ADAMTS4: variants seen among roughly 807,000 people sequenced by gnomAD.
ADAMTS4 encodes ADAM metallopeptidase with thrombospondin type 1 motif 4.
A neutral mutation model predicts 66.7 loss-of-function variants in ADAMTS4; 38 were observed. That is an observed-to-expected ratio of 0.57 (90% CI 0.44 to 0.75). The LOEUF (loss-of-function observed/expected upper bound fraction) is 0.75, where lower values mean the gene tolerates loss of function less well. ADAMTS4 is among the 30% of genes least tolerant of loss of function. The pLI is 0.00. For missense variants in ADAMTS4, 1,014 were observed against 1,116.7 expected (o/e 0.91, Z 1.31); for synonymous variants, 418 against 461.5 (o/e 0.91, Z 1.21).
In ADAMTS4 at chr1:161,193,728, C is replaced by A; in HGVS notation, c.1647G>T (p.Arg549Ser). The change falls in exon 6 of 9, where the codon AGG becomes AGT. Residue 549 changes from arginine to serine, a missense_variant. Arg to Ser is a moderately radical substitution (Grantham distance 110). Transcript: ENST00000367996. The surrounding 1 kb of genome is among the most constrained non-coding windows in gnomAD (Gnocchi z 4.4). ...ACTTGCCACCATTCCGGGGGACAGG[C>A]CTCGTGCAGTCTCGGGAGGAGAACT... The part of the protein sequence containing the change: ...GVQFSSRDCT[R>S]PVPRNGGKYC... 2 of 1,614,142 alleles carry A rather than the reference C, an allele frequency of 1.2e-6. No homozygotes were observed. The highest frequency in any genetic ancestry group is 1.7e-6 in the Non-Finnish European group (2 of 1,180,020).
In ADAMTS4 at chr1:161,187,974, G is replaced by A. The variant is rs1260321311; in HGVS notation, c.*3164C>T. ...TTTTTTTTTTTTTTTTTTTGAGATG[G>A]AGTCTCACTCTATCGCCCAGACTGG... is the stretch of plus-strand genomic sequence containing the variant. On this transcript the variant is annotated 3_prime_UTR_variant, in exon 9 of 9. Coordinates refer to ENST00000367996, the MANE Select transcript of ADAMTS4 (RefSeq NM_005099.6). The A allele has an allele frequency of 1.6e-5, 2 of 124,800 alleles. No individual in the cohort carries two copies. The highest frequency in any genetic ancestry group is 8.8e-5 in the Admixed American group (1 of 11,392). 7.7% of individuals were successfully genotyped at this position (124,800 alleles called of 1,614,324 possible).
rs573364372 is a variant in ADAMTS4, at chr1:161,196,484, G to A, written c.957+73C>T. The A allele has an allele frequency of 2.1e-5, 32 of 1,537,256 alleles. No homozygotes were observed. The African/African-American group carries it at 3.4e-4, about 16-fold the overall frequency. The stretch of plus-strand genomic sequence containing the variant: ...TCACACAACTCCAGGAACATCATTT[G>A]CATCATAGTCTATGTAGTGGCGCTT... On this transcript the variant is annotated intron_variant, in intron 2 of 8. Coordinates refer to ENST00000367996, the MANE Select transcript of ADAMTS4 (RefSeq NM_005099.6).
In ADAMTS4 at chr1:161,193,937, T is replaced by G. The variant is rs746769234; in HGVS notation, c.1546A>C (p.Asn516His). ...CLHMDQLQDF[N>H]IPQAGGWGPW... The stretch of plus-strand genomic sequence containing the variant: ...CCACCCCTGCCCTAGGATCTCACAT[T>G]GAAGTCCTGGAGCTGGTCCATGTGG... Residue 516 changes from asparagine to histidine, a missense_variant and splice_region_variant, in exon 5 of 9, where the codon AAT (asparagine) becomes CAT (histidine). Asn to His is a moderately conservative substitution (Grantham distance 68). Transcript: ENST00000367996. This position sits in a 1 kb window ranked among gnomAD's most constrained non-coding sequence, Gnocchi z 4.4. 1.9e-6 allele frequency: 3 copies of G among 1,574,728 alleles called. No individual in the cohort carries two copies. The Admixed American group carries it at 5.3e-5, about 28-fold the overall frequency.
chr1:161,196,251 G>A lies in ADAMTS4; in HGVS notation c.1010C>T (p.Thr337Ile), dbSNP rs752403013. The change falls in exon 3 of 9, where the codon ACC (threonine) becomes ATC (isoleucine). Residue 337 changes from threonine to isoleucine, a missense_variant. Physicochemically the swap from Thr to Ile is moderately conservative, Grantham distance 89 (BLOSUM62 -1). Transcript: ENST00000367996. Reference sequence around the variant, plus strand: ...ACAGCTCCGAGCCGGGTCACAGACGGTGCCCACATCAGCCATACCCAGCGT... The same window carrying A: ...ACAGCTCCGAGCCGGGTCACAGACGATGCCCACATCAGCCATACCCAGCGT... ...CDTLGMADVG[T>I]VCDPARSCAI... 8.1e-6 allele frequency: 13 copies of A among 1,613,664 alleles called. No homozygotes were observed. The highest frequency in any genetic ancestry group is 1.1e-5 in the Non-Finnish European group (13 of 1,179,808).
At position 161,188,909 on chromosome 1, in the gene ADAMTS4, T is replaced by TA. The variant is rs1558071752; in HGVS notation, c.*2228_*2229insT. On this transcript the variant is annotated 3_prime_UTR_variant, in exon 9 of 9. Coordinates refer to ENST00000367996, the MANE Select transcript of ADAMTS4 (RefSeq NM_005099.6). ...ATATATATATATATATATATATATATTTTGTATTTTTAGTAGACACGGGGT... is the reference window on the plus strand; with the variant it reads ...ATATATATATATATATATATATATATATTTGTATTTTTAGTAGACACGGGGT... The TA allele has an allele frequency of 5.5e-4, 72 of 130,964 alleles. No homozygotes were observed. The highest frequency in any genetic ancestry group is 5.2e-3 in the South Asian group (20 of 3,880). The allele number at this position is 130,964 out of a possible 1,614,324, so 8.1% of individuals were successfully genotyped here. A position where few individuals can be genotyped will look rare whatever the true frequency, so the allele number is the denominator to read the frequency against.
At chr1:161,195,842 G>C in intron 3 of ADAMTS4, 2 of 578,144 alleles carry the variant, frequency 3.5e-6, no homozygotes, top group Non-Finnish European at 5.8e-6. Flanking sequence ...ATATACTCAG[G>C]GTCCCTCCCT....
chr1:161,190,843 T>C lies in ADAMTS4; in HGVS notation c.*295A>G. On this transcript the variant is annotated 3_prime_UTR_variant, in exon 9 of 9. Transcript: ENST00000367996. ...TGAATAAATACTAAATAAATACAAC[T>C]GGGGCCCAGGCCCTCCCTGCCTTCC... The C allele has an allele frequency of 2.9e-6, 1 of 342,512 alleles. No individual in the cohort carries two copies. The highest frequency in any genetic ancestry group is 5.4e-6 in the Non-Finnish European group (1 of 185,930). 21.2% of individuals were successfully genotyped at this position (342,512 alleles called of 1,614,324 possible).
intron 7 of ADAMTS4, among the ~76,000 whole-genome samples, chr1:161,192,794 G>T (rs550474578): frequency 6.6e-6 from 1 of 152,252 alleles, no homozygotes; most frequent in South Asian, 2.1e-4. Flanking sequence ...TCACAGAGAG[G>T]GAGTGTAGGG....
Position 161,185,746 on chromosome 1 carries a change from TAGAGATGGA to T in ADAMTS4, c.*5383_*5391del, listed in dbSNP as rs1008081701. The T allele has an allele frequency of 1.3e-5, 2 of 152,194 alleles. No individual in the cohort carries two copies. Among genetic ancestry groups the T allele is most frequent in the African/African-American group, 4.8e-5 (2 of 41,440 alleles). 9.4% of individuals were successfully genotyped at this position (152,194 alleles called of 1,614,324 possible). ...TGTATGAAGATTACAGAAATGAGACTAGAGATGGAAGAGAAGTGTAAATGCCGATTCCAC... is the reference window on the plus strand; with the variant it reads ...TGTATGAAGATTACAGAAATGAGACTAGAGAAGTGTAAATGCCGATTCCAC... On this transcript the variant is annotated 3_prime_UTR_variant, in exon 9 of 9. Transcript: ENST00000367996.
In ADAMTS4 at chr1:161,198,277, C is replaced by G. The variant is rs1360416047; in HGVS notation, c.351G>C (p.Glu117Asp). ...LTVQYLGQAP[E>D]LLGGAEPGTY... ...TGCCAGGCTCTGCTCCACCCAGCAG[C>G]TCAGGCGCCTGGCCCAGGTACTGCA... is the stretch of plus-strand genomic sequence containing the variant. The change falls in exon 1 of 9, where the codon GAG becomes GAC. Residue 117 changes from glutamate (E) to aspartate (D), a missense_variant. Glu to Asp is a conservative substitution (Grantham distance 45). Transcript: ENST00000367996. The surrounding 1 kb of genome is among the most constrained non-coding windows in gnomAD (Gnocchi z 4.7). The G allele has an allele frequency of 6.2e-7, 1 of 1,613,884 alleles. No individual in the cohort carries two copies. The highest frequency in any genetic ancestry group is 8.5e-7 in the Non-Finnish European group (1 of 1,180,014).
Position 161,190,670 on chromosome 1 carries a change from TCA to T in ADAMTS4, c.*466_*467del, listed in dbSNP as rs111314868. The T allele has an allele frequency of 3.9e-5, 6 of 152,974 alleles. No individual in the cohort carries two copies. The highest frequency in any genetic ancestry group is 6.5e-5 in the Admixed American group (1 of 15,272). The allele number at this position is 152,974 out of a possible 1,614,324, so 9.5% of individuals were successfully genotyped here. On this transcript the variant is annotated 3_prime_UTR_variant, in exon 9 of 9. Coordinates refer to ENST00000367996, the MANE Select transcript of ADAMTS4 (RefSeq NM_005099.6). Reference sequence around the variant, plus strand: ...CTCATACATAAGCACACACACATTTTCACACACACACACACGCATACACACAC... The same window carrying T: ...CTCATACATAAGCACACACACATTTTCACACACACACACGCATACACACAC...
chr1:161,191,526 GC>G lies in ADAMTS4; in HGVS notation c.2125del (p.Ala709ProfsTer21). 1 of 1,613,694 alleles carries G rather than the reference GC, an allele frequency of 6.2e-7. No individual in the cohort carries two copies. The highest frequency in any genetic ancestry group is 8.5e-7 in the Non-Finnish European group (1 of 1,179,746). ...YNNVVTIPAG[A>X]THILVRQQGN... ...CTGCTGCCGGACAAGAATGTGGGTG[GC>G]CCCCGCGGGGATAGTGACCACATTG... On this transcript the variant is annotated frameshift_variant, in exon 9 of 9. Coordinates refer to ENST00000367996, the MANE Select transcript of ADAMTS4 (RefSeq NM_005099.6). LOFTEE classifies it low-confidence loss of function (END_TRUNC).
chr1:161,193,518 G>A lies in ADAMTS4; in HGVS notation c.1735+122C>T. ...TGCAGACGGCCAAGGACAATTCCCAGAGGTTAAAGGCACTCCCCACAGCAG... is the reference window on the plus strand; with the variant it reads ...TGCAGACGGCCAAGGACAATTCCCAAAGGTTAAAGGCACTCCCCACAGCAG... On this transcript the variant is annotated intron_variant, in intron 6 of 8. Transcript: ENST00000367996. The surrounding 1 kb of genome is among the most constrained non-coding windows in gnomAD (Gnocchi z 4.4). 1 of 1,515,432 alleles carries A rather than the reference G, an allele frequency of 6.6e-7. No individual in the cohort carries two copies. The highest frequency in any genetic ancestry group is 1.4e-5 in the African/African-American group (1 of 72,730). 93.9% of individuals were successfully genotyped at this position (1,515,432 alleles called of 1,614,324 possible). A position where few individuals can be genotyped will look rare whatever the true frequency, so the allele number is the denominator to read the frequency against.
At chr1:161,192,641 A>C (rs1664710533) in intron 7 of ADAMTS4, among the ~76,000 whole-genome samples, 1 of 152,120 alleles carries the variant, frequency 6.6e-6, no homozygotes, top group East Asian at 1.9e-4. Flanking sequence ...TGGTCCCAGC[A>C]CCAAGCCCTA....
Position 161,193,962 on chromosome 1 carries a change from G to A in ADAMTS4, c.1521C>T (p.Leu507=). 1 of 1,592,996 alleles carries A rather than the reference G, an allele frequency of 6.3e-7. No individual in the cohort carries two copies. The highest frequency in any genetic ancestry group is 8.6e-7 in the Non-Finnish European group (1 of 1,166,212). The part of the protein sequence containing the change: ...PAQACMGGRC[L]HMDQLQDFNI... ...TGAAGTCCTGGAGCTGGTCCATGTG[G>A]AGGCAGCGACCACCCATGCAGGCCT... The change falls in exon 5 of 9, where the codon CTC becomes CTT. Residue 507 remains leucine (L), a synonymous_variant. Coordinates refer to ENST00000367996, the MANE Select transcript of ADAMTS4 (RefSeq NM_005099.6). The surrounding 1 kb of genome is among the most constrained non-coding windows in gnomAD (Gnocchi z 4.4).
Position 161,193,445 on chromosome 1 carries a change from C to T in ADAMTS4, c.1736-57G>A, listed in dbSNP as rs1176213185. ...TCCTTCCTCACATCACCCCACATCC[C>T]TCCACCCAACCCCTGAGAACTCTAG... On this transcript the variant is annotated intron_variant, in intron 6 of 8. Coordinates refer to ENST00000367996, the MANE Select transcript of ADAMTS4 (RefSeq NM_005099.6). The surrounding 1 kb of genome is among the most constrained non-coding windows in gnomAD (Gnocchi z 4.4). 1 of 1,581,616 alleles carries T rather than the reference C, an allele frequency of 6.3e-7. No individual in the cohort carries two copies. The highest frequency in any genetic ancestry group is 1.3e-5 in the African/African-American group (1 of 74,434).
chr1:161,193,236 A>G lies in ADAMTS4; in HGVS notation c.1888T>C (p.Tyr630His), dbSNP rs764200153. Residue 630 changes from tyrosine (Y) to histidine (H), a missense_variant, in exon 7 of 9, where the codon TAC becomes CAC. Coordinates refer to ENST00000367996, the MANE Select transcript of ADAMTS4 (RefSeq NM_005099.6). The surrounding 1 kb of genome is among the most constrained non-coding windows in gnomAD (Gnocchi z 4.4). ...KLTCQAQALG[Y>H]YYVLEPRVVD... is the part of the protein sequence containing the mutation. Reference sequence around the variant, plus strand: ...ACCCGTGGCTCCAGCACATAGTAGTAGCCCAGTGCCTGGGCCTGGCAGGTG... The same window carrying G: ...ACCCGTGGCTCCAGCACATAGTAGTGGCCCAGTGCCTGGGCCTGGCAGGTG... 2.5e-6 allele frequency: 4 copies of G among 1,613,798 alleles called. No individual in the cohort carries two copies. The highest frequency in any genetic ancestry group is 2.5e-6 in the Non-Finnish European group (3 of 1,179,888).
chr1:161,197,887 G>A, intron 1 of ADAMTS4, 108 bp downstream of exon 1: 1 of 1,467,118 alleles, frequency 6.8e-7, no homozygotes, highest in South Asian at 1.4e-5. Context: ...AGAAGGGAGG[G>A]AAGCAGAACG....
In ADAMTS4 at chr1:161,184,652, T is replaced by C. The variant is rs1664504136; in HGVS notation, c.*6486A>G. 6.6e-6 allele frequency: 1 copy of C among 152,206 alleles called. No individual in the cohort carries two copies. The highest frequency in any genetic ancestry group is 2.1e-4 in the South Asian group (1 of 4,832). The allele number at this position is 152,206 out of a possible 1,614,324, so 9.4% of individuals were successfully genotyped here. On this transcript the variant is annotated 3_prime_UTR_variant, in exon 9 of 9. Coordinates refer to ENST00000367996, the MANE Select transcript of ADAMTS4 (RefSeq NM_005099.6). ...GATTAGGTCAATTAATATCTTTTACTCTTCAGATCCATTTTCAGGTGAAAA... is the reference window on the plus strand; with the variant it reads ...GATTAGGTCAATTAATATCTTTTACCCTTCAGATCCATTTTCAGGTGAAAA...
Sources: gnomAD v4.1 joint callset for allele counts (sites outside exome capture counted in the v4.1 genomes callset) on GRCh38, gnomAD v4.1.1 for gene constraint, Gnocchi (gnomAD v3.1) non-coding constraint, MANE v1.5 for transcripts, NCBI Gene and HGNC (gene_info 2026-07-23, HGNC 2026-07-21) for gene names.